KSR2: variants seen among roughly 807,000 people sequenced by gnomAD.
KSR2 encodes kinase suppressor of ras 2.
A neutral mutation model predicts 107.8 loss-of-function variants in KSR2; 25 were observed. The ratio of observed to expected loss-of-function variants is 0.23; its 90% confidence interval spans 0.17 to 0.32. KSR2 has a LOEUF of 0.32. Among genes scored for constraint, KSR2 ranks in the 10% least tolerant of loss-of-function variants. KSR2 has a pLI of 1.00. For synonymous variants in KSR2, 480 were observed against 507.0 expected (o/e 0.95, Z 0.71); for missense variants, 887 against 1,268.9 (o/e 0.70, Z 4.57).
chr12:117,925,978 C>T (rs1409038539), intron 1 of KSR2, among the ~76,000 whole-genome samples: 1 of 152,124 alleles, frequency 6.6e-6, no homozygotes, highest in Non-Finnish European at 1.5e-5. Context: ...GGGCAGATCA[C>T]TTGAGGTCAG....
At chr12:117,682,805 G>A (rs530454) in intron 4 of KSR2, among the ~76,000 whole-genome samples, 78,440 of 151,840 alleles carry the variant, frequency 0.52, 20,592 homozygotes, top group South Asian at 0.6. Flanking sequence ...AAGAACGGCA[G>A]CAAGAATGGA....
chr12:117,545,229 C>T (rs765763253), intron 9 of KSR2, among the ~76,000 whole-genome samples: 14 of 152,090 alleles, frequency 9.2e-5, no homozygotes, highest in Middle Eastern at 3.4e-3. Flanking sequence ...TAAGAATTTT[C>T]GCATCTATAT....
intron 6 of KSR2, among the ~76,000 whole-genome samples, chr12:117,581,820 GA>G (rs1355470525): frequency 6.6e-6 from 1 of 152,176 alleles, no homozygotes; most frequent in Non-Finnish European, 1.5e-5. Flanking sequence ...TTCTGGGTGA[GA>G]AGACCAAAAA....
At chr12:117,584,622 T>C (rs916958455) in intron 5 of KSR2, among the ~76,000 whole-genome samples, 2 of 152,166 alleles carry the variant, frequency 1.3e-5, no homozygotes, top group Non-Finnish European at 2.9e-5. Context: ...CCACATACAT[T>C]TTCCACCTCT....
Position 117,590,657 on chromosome 12 carries a change from G to T in KSR2, c.1172-8298C>A, listed in dbSNP as rs767396340. On this transcript the variant is annotated intron_variant, in intron 5 of 19. Transcript: ENST00000339824. ...GGACTATGACTTAGTGCCAGAGTTG[G>T]CAAACTTGACCCTCAGGCCAAATTC... Among the ~76,000 whole-genome samples, 303 of 152,268 alleles carry T rather than the reference G, an allele frequency of 2.0e-3. 1 individual carries two copies. The highest frequency in any genetic ancestry group is 3.3e-3 in the Non-Finnish European group (223 of 68,032).
chr12:117,858,324 C>T (rs1893168095), intron 2 of KSR2, among the ~76,000 whole-genome samples: 1 of 152,168 alleles, frequency 6.6e-6, no homozygotes, highest in African/African-American at 2.4e-5. Flanking sequence ...CATGCAAATA[C>T]AACACTGTCT....
At chr12:117,959,426 C>G (rs12369688) in intron 1 of KSR2, among the ~76,000 whole-genome samples, 13,865 of 152,198 alleles carry the variant, frequency 0.091, 895 homozygotes, top group Middle Eastern at 0.15. Flanking sequence ...CTTCCACATA[C>G]TTGATCTTCT....
At chr12:117,626,433 T>G (rs1468859625) in intron 5 of KSR2, among the ~76,000 whole-genome samples, 1 of 152,226 alleles carries the variant, frequency 6.6e-6, no homozygotes, top group Non-Finnish European at 1.5e-5. Flanking sequence ...TCAAAGAACA[T>G]CTTTATTTCT....
rs191711417 is a variant in KSR2 at position 117,754,838 on chromosome 12, C to T, written c.986+6173G>A. Among the ~76,000 whole-genome samples, 211 of 152,250 alleles carry T rather than the reference C, an allele frequency of 1.4e-3. 1 individual carries two copies. The highest frequency in any genetic ancestry group is 4.7e-3 in the African/African-American group (195 of 41,544). ...TAAAAATAGCCTTCCTAGCCTTCCT[C>T]CAACCCAAGACCTCCTTTGGTATTG... On this transcript the variant is annotated intron_variant, in intron 4 of 19. Coordinates refer to ENST00000339824, the MANE Select transcript of KSR2 (RefSeq NM_173598.6).
intron 4 of KSR2, among the ~76,000 whole-genome samples, chr12:117,695,852 G>C (rs908214837): frequency 6.6e-6 from 1 of 152,170 alleles, no homozygotes; most frequent in Non-Finnish European, 1.5e-5. Flanking sequence ...ACACCGGAAA[G>C]GTCGCCGCTC....
chr12:117,473,253 G>A (rs974121703), intron 17 of KSR2, among the ~76,000 whole-genome samples: 1 of 152,174 alleles, frequency 6.6e-6, no homozygotes, highest in African/African-American at 2.4e-5. Flanking sequence ...GGAACTGTGA[G>A]TAACCATCTT....
intron 1 of KSR2, among the ~76,000 whole-genome samples, chr12:117,865,436 T>C (rs1052895247): frequency 2.0e-5 from 3 of 152,240 alleles, no homozygotes; most frequent in African/African-American, 7.2e-5. Context: ...TATCTATGTA[T>C]GCCTATGTTG....
chr12:117,519,671 T>C (rs113724982), intron 14 of KSR2, among the ~76,000 whole-genome samples: 111 of 152,164 alleles, frequency 7.3e-4, no homozygotes, highest in African/African-American at 2.6e-3. Flanking sequence ...CAGGGAAAGA[T>C]AGAGTGTGTG....
Position 117,466,196 on chromosome 12 carries a change from C to T in KSR2, c.*1003G>A, listed in dbSNP as rs1470382448. 1 of 152,246 alleles carries T rather than the reference C, an allele frequency of 6.6e-6. No homozygotes were observed. The highest frequency in any genetic ancestry group is 1.9e-4 in the East Asian group (1 of 5,188). 9.4% of individuals were successfully genotyped at this position (152,246 alleles called of 1,614,324 possible). A position where few individuals can be genotyped will look rare whatever the true frequency, so the allele number is the denominator to read the frequency against. On this transcript the variant is annotated 3_prime_UTR_variant, in exon 20 of 20. Coordinates refer to ENST00000339824, the MANE Select transcript of KSR2 (RefSeq NM_173598.6). ...TGTTATCATAGGTACAGCCACATAA[C>T]CCAACATGGACGTACCCCAAGAACC...
At chr12:117,948,550 G>A (rs1896266246) in intron 1 of KSR2, among the ~76,000 whole-genome samples, 1 of 151,240 alleles carries the variant, frequency 6.6e-6, no homozygotes, top group Non-Finnish European at 1.5e-5. Flanking sequence ...TATTGACAAA[G>A]GAATACACAC....
At chr12:117,656,905 C>T (rs903460801) in intron 5 of KSR2, among the ~76,000 whole-genome samples, 1 of 130,902 alleles carries the variant, frequency 7.6e-6, no homozygotes, top group African/African-American at 3.1e-5. Flanking sequence ...TTAATAAACT[C>T]CCCTTTGTGT....
chr12:117,713,080 T>TATA (rs1450505744), intron 4 of KSR2, among the ~76,000 whole-genome samples: 5 of 149,604 alleles, frequency 3.3e-5, no homozygotes, highest in Non-Finnish European at 7.4e-5. Flanking sequence ...TATAGATAGA[T>TATA]TATAGATATA....
chr12:117,803,373 A>G (rs1279638282), intron 3 of KSR2, among the ~76,000 whole-genome samples: 1 of 152,184 alleles, frequency 6.6e-6, no homozygotes, highest in Non-Finnish European at 1.5e-5. Flanking sequence ...GATGTTTCCT[A>G]TGTACCCCCG....
Position 117,922,634 on chromosome 12 carries a change from A to G in KSR2, c.180+45442T>C, listed in dbSNP as rs187189087. Among the ~76,000 whole-genome samples, 125 of 152,292 alleles carry G rather than the reference A, an allele frequency of 8.2e-4. 1 individual carries two copies. The highest frequency in any genetic ancestry group is 2.8e-3 in the African/African-American group (115 of 41,554). Reference sequence around the variant, plus strand: ...GAGTGCTCTGCTGAGAAAGAACTACATTTCAAAAGAAGGGAAACACACCTA... The same window carrying G: ...GAGTGCTCTGCTGAGAAAGAACTACGTTTCAAAAGAAGGGAAACACACCTA... On this transcript the variant is annotated intron_variant, in intron 1 of 19. Coordinates refer to ENST00000339824, the MANE Select transcript of KSR2 (RefSeq NM_173598.6).
Sources: gnomAD v4.1 joint callset for allele counts (sites outside exome capture counted in the v4.1 genomes callset) on GRCh38, gnomAD v4.1.1 for gene constraint, MANE v1.5 for transcripts, NCBI Gene and HGNC (gene_info 2026-07-23, HGNC 2026-07-21) for gene names.